STXBP6: variants seen among roughly 807,000 people sequenced by gnomAD.
STXBP6 encodes the protein syntaxin-binding protein 6.
A neutral mutation model predicts 26.9 loss-of-function variants in STXBP6; 21 were observed. The ratio of observed to expected loss-of-function variants is 0.78; its 90% CI spans 0.55 to 1.12. STXBP6 has a LOEUF of 1.12. Ranked by LOEUF, STXBP6 falls within the 50% of genes most tolerant of loss-of-function variation. The probability of loss-of-function intolerance (pLI) is 0.00; values close to 1 mark genes in which losing one functional copy is unlikely to be tolerated. For missense variants in STXBP6, 232 were observed against 257.9 expected (o/e 0.90, Z 0.69); for synonymous variants, 97 against 92.6 (o/e 1.05, Z -0.27).
intron 2 of STXBP6, among the ~76,000 whole-genome samples, chr14:24,871,062 G>GTT (rs572280764): frequency 4.1e-5 from 6 of 145,274 alleles, no homozygotes; most frequent in South Asian, 4.4e-4. Flanking sequence ...TTTGAAACAT[G>GTT]TTTTTTTTTT....
In STXBP6 at chr14:24,974,746, C is replaced by G. The variant is rs749796410; in HGVS notation, c.73G>C (p.Val25Leu). 1 of 1,601,482 alleles carries G rather than the reference C, an allele frequency of 6.2e-7. No homozygotes were observed. The highest frequency in any genetic ancestry group is 1.1e-5 in the South Asian group (1 of 88,666). The change falls in exon 2 of 6, where the codon GTC (valine) becomes CTC (leucine). Residue 25 changes from valine (V) to leucine (L), a missense_variant. Val to Leu is a conservative substitution (Grantham distance 32, BLOSUM62 1). Transcript: ENST00000323944. Reference sequence around the variant, plus strand: ...ATCTTTTTCTTTGTCCTCCTCTTGACTTGGACAGCTCCCAGCATCCTTTCA... The same window carrying G: ...ATCTTTTTCTTTGTCCTCCTCTTGAGTTGGACAGCTCCCAGCATCCTTTCA... ...LDERMLGAVQ[V>L]KRRTKKKIPF...
At chr14:24,963,757 C>T (rs769957577) in intron 2 of STXBP6, among the ~76,000 whole-genome samples, 2 of 152,042 alleles carry the variant, frequency 1.3e-5, no homozygotes, top group Non-Finnish European at 2.9e-5. Context: ...TTAAGATAAC[C>T]GCTTTCCACT....
At chr14:24,817,644 A>G (rs1390160301) in intron 5 of STXBP6, 1 of 166,128 alleles carries the variant, frequency 6.0e-6, no homozygotes, top group Non-Finnish European at 1.3e-5. Context: ...CTGTAATGCC[A>G]GCATTTCCAT....
chr14:25,001,878 C>T (rs991449497), intron 1 of STXBP6, among the ~76,000 whole-genome samples: 6 of 152,196 alleles, frequency 3.9e-5, no homozygotes, highest in Admixed American at 6.5e-5. Context: ...TGAGGGCAGA[C>T]GATAGCATTA....
chr14:25,011,443 T>TAA (rs2140380315), intron 1 of STXBP6, among the ~76,000 whole-genome samples: 1 of 152,328 alleles, frequency 6.6e-6, no homozygotes, highest in South Asian at 2.1e-4. Context: ...GAAACACACT[T>TAA]CCTTTTCTCA....
At chr14:24,923,836 T>C (rs1490366484) in intron 2 of STXBP6, among the ~76,000 whole-genome samples, 1 of 152,204 alleles carries the variant, frequency 6.6e-6, no homozygotes, top group Non-Finnish European at 1.5e-5. Context: ...TTACACAAGG[T>C]TGCAAATATC....
At chr14:25,002,992 G>A (rs2074801797) in intron 1 of STXBP6, among the ~76,000 whole-genome samples, 1 of 152,176 alleles carries the variant, frequency 6.6e-6, no homozygotes, top group Non-Finnish European at 1.5e-5. Context: ...CTCTCAAAGT[G>A]CTGGGATTAC....
chr14:24,961,810 T>G (rs2073551040), intron 2 of STXBP6, among the ~76,000 whole-genome samples: 1 of 152,166 alleles, frequency 6.6e-6, no homozygotes, highest in South Asian at 2.1e-4. Flanking sequence ...AAAAAATAAT[T>G]TTTTGAAAAG....
At chr14:24,890,695 T>C (rs961525047) in intron 2 of STXBP6, among the ~76,000 whole-genome samples, 2 of 152,210 alleles carry the variant, frequency 1.3e-5, no homozygotes, top group Non-Finnish European at 1.5e-5. Context: ...TAGAGGATAC[T>C]GGAATCTAGA....
At chr14:24,963,522 A>C (rs924971007) in intron 2 of STXBP6, among the ~76,000 whole-genome samples, 1 of 152,224 alleles carries the variant, frequency 6.6e-6, no homozygotes, top group Non-Finnish European at 1.5e-5. Context: ...GGTGGAGGTG[A>C]GACAGTATGA....
In STXBP6 at chr14:24,819,066, C is replaced by A. The variant is rs772963568; in HGVS notation, c.580G>T (p.Ala194Ser). Residue 194 changes from alanine to serine, a missense_variant, in exon 5 of 6, where the codon GCC (alanine) becomes TCC (serine). Physicochemically the swap from Ala to Ser is moderately conservative, Grantham distance 99 (BLOSUM62 1). Coordinates refer to ENST00000323944, the MANE Select transcript of STXBP6 (RefSeq NM_001394410.1). ...TGCGCAGTTTCTGCAAACTGCTGGG[C>A]GCTGTTCTTCAGGTCTTCTGTCTTC... ...EEKTEDLKNS[A>S]QQFAETAHKL... The A allele has an allele frequency of 5.0e-6, 8 of 1,609,310 alleles. No individual in the cohort carries two copies. Among genetic ancestry groups the A allele is most frequent in the Non-Finnish European group, 6.8e-6 (8 of 1,177,056 alleles).
intron 1 of STXBP6, among the ~76,000 whole-genome samples, chr14:24,988,181 T>G (rs900981845): frequency 6.6e-6 from 1 of 152,340 alleles, no homozygotes; most frequent in South Asian, 2.1e-4. Context: ...TCATCTGGCT[T>G]TGATGAATAT....
chr14:24,970,198 G>A (rs986445889), intron 2 of STXBP6, among the ~76,000 whole-genome samples: 8 of 151,010 alleles, frequency 5.3e-5, no homozygotes, highest in African/African-American at 2.0e-4. Flanking sequence ...CTGAGATCAC[G>A]CCACTGCACT....
chr14:24,886,753 G>A (rs1286926896), intron 2 of STXBP6, among the ~76,000 whole-genome samples: 1 of 152,128 alleles, frequency 6.6e-6, no homozygotes, highest in Non-Finnish European at 1.5e-5. Context: ...TGTGCCACAT[G>A]CATTTTAGCT....
At chr14:25,025,169 C>CT (rs537361980) in intron 1 of STXBP6, among the ~76,000 whole-genome samples, 38 of 147,848 alleles carry the variant, frequency 2.6e-4, no homozygotes, top group South Asian at 8.6e-4. Flanking sequence ...CATGAGAAGG[C>CT]TTTTTTTTTT....
chr14:24,996,864 CAAAAAAA>C (rs753413417), intron 1 of STXBP6, among the ~76,000 whole-genome samples: 3 of 60,892 alleles, frequency 4.9e-5, no homozygotes, highest in East Asian at 4.8e-4. Flanking sequence ...AACTCTGTCT[CAAAAAAA>C]AAAAAAAAAA....
chr14:24,986,412 G>A (rs2074333662), intron 1 of STXBP6, among the ~76,000 whole-genome samples: 1 of 152,080 alleles, frequency 6.6e-6, no homozygotes, highest in Admixed American at 6.6e-5. Context: ...TCCAGGCTCT[G>A]AGCCACTGGC....
chr14:24,963,817 A>G (rs2073631014), intron 2 of STXBP6, among the ~76,000 whole-genome samples: 1 of 152,132 alleles, frequency 6.6e-6, no homozygotes, highest in Non-Finnish European at 1.5e-5. Flanking sequence ...AAAGATTCTA[A>G]AAGTCTGAAT....
intron 2 of STXBP6, among the ~76,000 whole-genome samples, chr14:24,963,982 A>AAAAAAAAAAAAAG (rs1219243285): frequency 6.6e-6 from 1 of 150,896 alleles, no homozygotes; most frequent in Non-Finnish European, 1.5e-5. Flanking sequence ...AAAAAAAAAA[A>AAAAAAAAAAAAAG]AAAAAAAAAA....
Sources: gnomAD v4.1 joint callset for allele counts (sites outside exome capture counted in the v4.1 genomes callset) on GRCh38, gnomAD v4.1.1 for gene constraint, MANE v1.5 for transcripts, NCBI Gene and HGNC (gene_info 2026-07-23, HGNC 2026-07-21) for gene names.